The following CAGE1 variants were observed in gnomAD, a reference collection of about 807,000 sequenced individuals.
The protein encoded by CAGE1 is cancer-associated gene 1 protein.
In CAGE1, 66 loss-of-function variants were observed where a neutral mutation model predicts 94.9. The observed-to-expected ratio is 0.70, with a 90% CI of 0.57 to 0.85. CAGE1 has a LOEUF of 0.85. CAGE1 is among the 40% of genes least tolerant of loss of function. CAGE1 has a pLI of 0.00. For synonymous variants in CAGE1, 319 were observed against 321.0 expected (o/e 0.99, Z 0.07); for missense variants, 865 against 950.4 (o/e 0.91, Z 1.18).
rs1397199939 is a variant in CAGE1 at position 7,389,430 on chromosome 6, G to A, written c.-252C>T. 1.6e-5 allele frequency: 7 copies of A among 429,710 alleles called. No individual in the cohort carries two copies. The highest frequency in any genetic ancestry group is 8.0e-5 in the South Asian group (5 of 62,448). 26.6% of individuals were successfully genotyped at this position (429,710 alleles called of 1,614,324 possible). A position where few individuals can be genotyped will look rare whatever the true frequency, so the allele number is the denominator to read the frequency against. ...AATCGGGCTCCCGGAGTGCTGGAAC[G>A]CCCCTGTGTGACGTCCGCCCGCGCC... On this transcript the variant is annotated 5_prime_UTR_variant, in exon 1 of 14. Transcript: ENST00000502583.
At chr6:7,337,376 G>A (rs1325475323) in intron 11 of CAGE1, among the ~76,000 whole-genome samples, 1 of 148,608 alleles carries the variant, frequency 6.7e-6, no homozygotes, top group Non-Finnish European at 1.5e-5. Flanking sequence ...TGATGAAGTC[G>A]AATTTATTAA....
intron 4 of CAGE1, among the ~76,000 whole-genome samples, chr6:7,376,487 C>T (rs1178708828): frequency 2.0e-5 from 3 of 152,050 alleles, no homozygotes; most frequent in Non-Finnish European, 1.5e-5. Context: ...CCTTCTTTTG[C>T]CCCTCCACCT....
At chr6:7,375,068 TA>T (rs1002045288) in intron 4 of CAGE1, among the ~76,000 whole-genome samples, 38 of 145,890 alleles carry the variant, frequency 2.6e-4, no homozygotes, top group African/African-American at 8.1e-4. Flanking sequence ...CAAATAAAAA[TA>T]AAAAAAGACA....
chr6:7,374,307 A>G (rs1355749662), intron 4 of CAGE1, among the ~76,000 whole-genome samples, 176 bp from the exon 5 acceptor site: 1 of 152,226 alleles, frequency 6.6e-6, no homozygotes, highest in East Asian at 1.9e-4. Flanking sequence ...GTTAATACCT[A>G]TGTATTAATT....
chr6:7,346,966 C>G (rs1460091843), intron 11 of CAGE1, among the ~76,000 whole-genome samples: 1 of 152,142 alleles, frequency 6.6e-6, no homozygotes, highest in East Asian at 1.9e-4. Context: ...TTCTTCAACA[C>G]AAATTGGATC....
At chr6:7,331,586 C>T (rs2764096) in intron 12 of CAGE1, 171,523 of 332,680 alleles carry the variant, frequency 0.52, 48,033 homozygotes, top group African/African-American at 0.84. Flanking sequence ...TTAAATACCA[C>T]AGAGCCCTCT....
chr6:7,358,316 A>T (rs1031393157), intron 9 of CAGE1, among the ~76,000 whole-genome samples: 2 of 151,876 alleles, frequency 1.3e-5, no homozygotes, highest in African/African-American at 4.8e-5. Flanking sequence ...AGTTCTTTTC[A>T]CATGGTATAA....
In CAGE1 at chr6:7,362,088, C is replaced by T. The variant is rs528178002; in HGVS notation, c.2193+3380G>A. Among the ~76,000 whole-genome samples the T allele has an allele frequency of 2.0e-5, 3 of 152,214 alleles. No individual in the cohort carries two copies. Among genetic ancestry groups the T allele is most frequent in the Non-Finnish European group, 2.9e-5 (2 of 68,040 alleles). ...TTTTTCCTAAAGCAGTAATTTTCTA[C>T]TTTGCCTGTTCCTTTCTTATTCTTG... On this transcript the variant is annotated intron_variant, in intron 9 of 13. Transcript: ENST00000502583. The surrounding 1 kb of genome is among the most constrained non-coding windows in gnomAD (Gnocchi z 4.1).
At chr6:7,385,369 C>T (rs1470805648) in intron 3 of CAGE1, among the ~76,000 whole-genome samples, 1 of 151,484 alleles carries the variant, frequency 6.6e-6, no homozygotes, top group Admixed American at 6.6e-5. Context: ...GTGACATGAT[C>T]ATAGCTCATA....
intron 12 of CAGE1, chr6:7,331,231 A>G (rs1461355526): frequency 4.4e-6 from 2 of 452,358 alleles, no homozygotes. Context: ...ACGGTAAGAT[A>G]CACAGAATTA....
chr6:7,356,614 T>C (rs146255168), intron 9 of CAGE1, among the ~76,000 whole-genome samples: 2 of 152,338 alleles, frequency 1.3e-5, no homozygotes, highest in Non-Finnish European at 2.9e-5. Context: ...TTCTGACCTA[T>C]GGTCCAATTT....
At chr6:7,379,902 A>T (rs536674372) in intron 3 of CAGE1, among the ~76,000 whole-genome samples, 1 of 152,334 alleles carries the variant, frequency 6.6e-6, no homozygotes, top group East Asian at 1.9e-4. Flanking sequence ...TTAAGTTCAA[A>T]CTAGTATTTG....
chr6:7,355,963 C>T, intron 10 of CAGE1, 62 bp downstream of exon 10: 1 of 957,722 alleles, frequency 1.0e-6, no homozygotes, highest in South Asian at 1.4e-5. Flanking sequence ...CTGCACTGTA[C>T]TTCGGCCTGG....
intron 13 of CAGE1, among the ~76,000 whole-genome samples, 197 bp from the exon 14 acceptor site, chr6:7,327,096 AG>A (rs1254835722): frequency 1.3e-5 from 2 of 152,192 alleles, no homozygotes; most frequent in East Asian, 3.8e-4. Context: ...TCTGTTACCC[AG>A]GCTGCAGTGC....
chr6:7,380,153 A>T (rs75876509), intron 3 of CAGE1, among the ~76,000 whole-genome samples: 1,961 of 152,262 alleles, frequency 0.013, 41 homozygotes, highest in African/African-American at 0.045. Context: ...AAGACATCAT[A>T]GGAAGGACTA....
chr6:7,345,396 C>T (rs189680529), intron 11 of CAGE1, among the ~76,000 whole-genome samples: 63 of 152,254 alleles, frequency 4.1e-4, no homozygotes, highest in South Asian at 1.7e-3. Flanking sequence ...CCAGATGTGC[C>T]ATCTTAAGAG....
At chr6:7,328,066 A>G (rs1157423389) in intron 13 of CAGE1, among the ~76,000 whole-genome samples, 2 of 152,146 alleles carry the variant, frequency 1.3e-5, no homozygotes, top group African/African-American at 2.4e-5. Flanking sequence ...CTCATCCCCA[A>G]AGCTATGTTA....
In CAGE1 at chr6:7,381,343, C is replaced by CT. The variant is rs1485440764; in HGVS notation, c.284-2324dup. On this transcript the variant is annotated intron_variant, in intron 3 of 13. Coordinates refer to ENST00000502583, the MANE Select transcript of CAGE1 (RefSeq NM_001170692.2). ...AGGCCATGTGAGACACTGCAAGAAG[C>CT]TGGCCATCTGCAAGCCAGGGAGGGA... 2.6e-5 allele frequency among the ~76,000 whole-genome samples: 4 copies of CT among 152,186 alleles called. No homozygotes were observed. In the East Asian group the frequency reaches 7.7e-4, roughly 29 times the overall value.
chr6:7,365,881 G>T lies in CAGE1; in HGVS notation c.2008C>A (p.Leu670Met). The T allele has an allele frequency of 6.7e-7, 1 of 1,489,850 alleles. No homozygotes were observed. Among genetic ancestry groups the T allele is most frequent in the Non-Finnish European group, 9.1e-7 (1 of 1,103,222 alleles). The allele number at this position is 1,489,850 out of a possible 1,614,324, so 92.3% of individuals were successfully genotyped here. A position where few individuals can be genotyped will look rare whatever the true frequency, so the allele number is the denominator to read the frequency against. ...GTTGTGATTCTATCTTTATGTTTCAGTAGCTAAGAAAAGGAAAACATTCTG... is the reference window on the plus strand; with the variant it reads ...GTTGTGATTCTATCTTTATGTTTCATTAGCTAAGAAAAGGAAAACATTCTG... ...LKKKTLDKEL[L>M]KHKDRITTFR... is the part of the protein sequence containing the mutation. The change falls in exon 8 of 14, where the codon CTG (leucine) becomes ATG (methionine). Residue 670 changes from leucine to methionine, a missense_variant. Leu to Met is a conservative substitution (Grantham distance 15). Transcript: ENST00000502583.
Sources: allele counts gnomAD v4.1 joint callset (sites outside exome capture counted in the v4.1 genomes callset), GRCh38; gene constraint gnomAD v4.1.1; non-coding constraint Gnocchi (gnomAD v3.1); transcripts MANE v1.5; gene names NCBI Gene and HGNC (gene_info 2026-07-23, HGNC 2026-07-21).